CCL1: variants seen among roughly 807,000 people sequenced by gnomAD.
CCL1 encodes the protein C-C motif chemokine 1.
A neutral mutation model predicts 7.5 loss-of-function variants in CCL1; 9 were observed. The ratio of observed to expected loss-of-function variants is 1.20; its 90% CI spans 0.72 to 2.09. The LOEUF is 2.09. Ranked by LOEUF, CCL1 falls within the 30% of genes most tolerant of loss-of-function variation. CCL1 has a pLI of 0.00. For synonymous variants in CCL1, 48 were observed against 44.7 expected (o/e 1.07, Z -0.30); for missense variants, 110 against 113.7 (o/e 0.97, Z 0.15).
At chr17:34,361,483 GC>G (rs1910504816) in intron 2 of CCL1, among the ~76,000 whole-genome samples, 1 of 152,172 alleles carries the variant, frequency 6.6e-6, no homozygotes, top group East Asian at 1.9e-4. Context: ...TCTTTCCAGT[GC>G]ACAATAACCC....
intron 1 of CCL1, among the ~76,000 whole-genome samples, chr17:34,362,843 TCTGGATGAAGCAGAGCCTC>T (rs6146041): frequency 0.79 from 120,156 of 151,692 alleles, 50,770 homozygotes; most frequent in Non-Finnish European, 0.93. Context: ...CTTCCTTGGG[TCTGGATGAAGCAGAGCCTC>T]CTTGTACTGA....
At chr17:34,361,056 TGTGC>T (rs1910492744) in intron 2 of CCL1, among the ~76,000 whole-genome samples, 1 of 152,032 alleles carries the variant, frequency 6.6e-6, no homozygotes, top group South Asian at 2.1e-4. Context: ...TGTGTGTGTG[TGTGC>T]GCGCGCCTTG....
rs1910476361 is a variant in CCL1 at position 34,360,471 on chromosome 17, C to A, written c.*88G>T. On this transcript the variant is annotated 3_prime_UTR_variant, in exon 3 of 3. Transcript: ENST00000225842. Reference sequence around the variant, plus strand: ...CAGATCCTCTGTGACCTAGCAAAAGCAGGGCAGAAGGAATGGTGTAGGGCT... The same window carrying A: ...CAGATCCTCTGTGACCTAGCAAAAGAAGGGCAGAAGGAATGGTGTAGGGCT... 17 of 992,362 alleles carry A rather than the reference C, an allele frequency of 1.7e-5. 1 individual carries two copies. In the Middle Eastern group the frequency reaches 3.2e-3, roughly 185 times the overall value. The allele number at this position is 992,362 out of a possible 1,614,324, so 61.5% of individuals were successfully genotyped here.
chr17:34,363,125 G>A lies in CCL1; in HGVS notation c.37C>T (p.Leu13=), dbSNP rs374103921. ...ACATCTTCCGGCCACATCCCAGCTAGCAGCAAGCACACCAGGGCTGTGGTG... is the reference window on the plus strand; with the variant it reads ...ACATCTTCCGGCCACATCCCAGCTAACAGCAAGCACACCAGGGCTGTGGTG... The part of the protein sequence containing the change: ...IITTALVCLL[L]AGMWPEDVDS... The change falls in exon 1 of 3, where the codon CTA becomes TTA. Residue 13 remains leucine (L), a synonymous_variant. Transcript: ENST00000225842. The A allele has an allele frequency of 1.9e-6, 3 of 1,613,524 alleles. No individual in the cohort carries two copies. The highest frequency in any genetic ancestry group is 2.7e-5 in the African/African-American group (2 of 74,930).
rs1368996838 is a variant in CCL1, at chr17:34,360,535, A to G, written c.*24T>C. ...ACAGGTGAAGCCATGTGGTTTCCAG[A>G]GCCCACAATGGAAAGAAATCTGCTC... is the stretch of plus-strand genomic sequence containing the variant. On this transcript the variant is annotated 3_prime_UTR_variant, in exon 3 of 3. Transcript: ENST00000225842. 1 of 1,574,452 alleles carries G rather than the reference A, an allele frequency of 6.4e-7. No individual in the cohort carries two copies. The highest frequency in any genetic ancestry group is 8.7e-7 in the Non-Finnish European group (1 of 1,143,774).
rs1433900824 is a variant in CCL1, at chr17:34,363,150, G to A, written c.12C>T (p.Ile4=). The A allele has an allele frequency of 1.2e-6, 2 of 1,613,782 alleles. No individual in the cohort carries two copies. The highest frequency in any genetic ancestry group is 1.1e-5 in the South Asian group (1 of 91,076). The change falls in exon 1 of 3, where the codon ATC becomes ATT. Residue 4 remains isoleucine, a synonymous_variant. Transcript: ENST00000225842. ...GCAGCAAGCACACCAGGGCTGTGGT[G>A]ATGATCTGCATGTCTTCTGGTCTGG... The part of the protein sequence containing the change: MQI[I]TTALVCLLLA...
chr17:34,361,854 T>G lies in CCL1; in HGVS notation c.119A>C (p.Gln40Pro), dbSNP rs1271234587. The G allele has an allele frequency of 6.2e-7, 1 of 1,613,276 alleles. No individual in the cohort carries two copies. Among genetic ancestry groups the G allele is most frequent in the Admixed American group, 1.7e-5 (1 of 60,018 alleles). ...FSRCCFSFAEQEIPLRAILCY... is the reference protein window; with the variant it reads ...FSRCCFSFAEPEIPLRAILCY... The stretch of plus-strand genomic sequence containing the variant: ...CAGGATTGCCCTCAGGGGAATCTCT[T>G]GCTCCGCAAATGAGAAGCAACATCT... Residue 40 changes from glutamine (Q) to proline (P), a missense_variant, in exon 2 of 3, where the codon CAA becomes CCA. By Grantham distance (76) the Gln-to-Pro change is moderately conservative (BLOSUM62 -1). Coordinates refer to ENST00000225842, the MANE Select transcript of CCL1 (RefSeq NM_002981.2).
At chr17:34,362,366 C>T (rs879494512) in intron 1 of CCL1, among the ~76,000 whole-genome samples, 9 of 152,064 alleles carry the variant, frequency 5.9e-5, no homozygotes, top group Admixed American at 5.2e-4. Flanking sequence ...AGGAATTGTT[C>T]GAGGAGTCCA....
rs78640727 is a variant in CCL1 at position 34,360,631 on chromosome 17, G to A, written c.219C>T (p.Cys73=). The change falls in exon 3 of 3, where the codon TGC becomes TGT. Residue 73 remains cysteine, a synonymous_variant. Transcript: ENST00000225842. ...IFKLKRGKEA[C]ALDTVGWVQR... is the part of the protein sequence containing the mutation. Reference sequence around the variant, plus strand: ...GAACCCATCCAACTGTGTCCAAGGCGCAGGCCTCTTTGCCTCTCTTCAGCT... The same window carrying A: ...GAACCCATCCAACTGTGTCCAAGGCACAGGCCTCTTTGCCTCTCTTCAGCT... 1.1e-3 allele frequency: 1,748 copies of A among 1,613,348 alleles called. 12 individuals carry two copies. In the African/African-American group the frequency reaches 0.021, roughly 19 times the overall value.
At position 34,361,780 on chromosome 17, in the gene CCL1, C is replaced by T. The variant is rs977239075; in HGVS notation, c.188+5G>A. ...TAGGGAGAGATTGAGCAGGTGATCA[C>T]TTACATTAAGCCCTCATTGGAGCAG... is the stretch of plus-strand genomic sequence containing the variant. On this transcript the variant is annotated splice_donor_5th_base_variant and intron_variant, in intron 2 of 2. Transcript: ENST00000225842. The T allele has an allele frequency of 6.3e-7, 1 of 1,581,128 alleles. No individual in the cohort carries two copies. The highest frequency in any genetic ancestry group is 1.3e-5 in the African/African-American group (1 of 74,270).
At chr17:34,360,720 C>T (rs751796742) in intron 2 of CCL1, 59 bp from the exon 3 acceptor site, 102 of 1,313,778 alleles carry the variant, frequency 7.8e-5, no homozygotes, top group African/African-American at 6.1e-4. Context: ...GGGTGGGCAA[C>T]GCACAAGCCC....
At position 34,360,627 on chromosome 17, in the gene CCL1, A is replaced by C. The variant is rs755806546; in HGVS notation, c.223T>G (p.Leu75Val). 59 of 1,613,492 alleles carry C rather than the reference A, an allele frequency of 3.7e-5. No individual in the cohort carries two copies. Among genetic ancestry groups the C allele is most frequent in the Non-Finnish European group, 4.7e-5 (55 of 1,179,942 alleles). The change falls in exon 3 of 3, where the codon TTG (leucine) becomes GTG (valine). Residue 75 changes from leucine to valine, a missense_variant. Transcript: ENST00000225842. Reference protein sequence around the residue: ...KLKRGKEACALDTVGWVQRHR... With the variant: ...KLKRGKEACAVDTVGWVQRHR... ...CTCTGAACCCATCCAACTGTGTCCA[A>C]GGCGCAGGCCTCTTTGCCTCTCTTC...
At chr17:34,362,606 T>C (rs1007167533) in intron 1 of CCL1, among the ~76,000 whole-genome samples, 3 of 152,098 alleles carry the variant, frequency 2.0e-5, no homozygotes, top group Admixed American at 2.0e-4. Context: ...TCTTACTAGG[T>C]TGGTATTCTC....
chr17:34,360,531 C>T lies in CCL1; in HGVS notation c.*28G>A. On this transcript the variant is annotated 3_prime_UTR_variant, in exon 3 of 3. Transcript: ENST00000225842. ...GGGGACAGGTGAAGCCATGTGGTTT[C>T]CAGAGCCCACAATGGAAAGAAATCT... 6.4e-7 allele frequency: 1 copy of T among 1,563,862 alleles called. No individual in the cohort carries two copies. The highest frequency in any genetic ancestry group is 8.8e-7 in the Non-Finnish European group (1 of 1,134,072).
intron 1 of CCL1, among the ~76,000 whole-genome samples, chr17:34,362,395 G>A (rs985780691): frequency 5.3e-5 from 8 of 152,108 alleles, no homozygotes; most frequent in Admixed American, 5.2e-4. Context: ...AGATGACAAG[G>A]GAAGAGCTCC....
intron 1 of CCL1, 34 bp from the exon 2 acceptor site, chr17:34,361,930 A>G: frequency 7.4e-7 from 1 of 1,356,876 alleles, no homozygotes; most frequent in Non-Finnish European, 1.0e-6. Flanking sequence ...GTTTGCATCC[A>G]TTTCTCAACC....
chr17:34,361,044 T>C (rs745512697), intron 2 of CCL1, among the ~76,000 whole-genome samples: 61 of 141,100 alleles, frequency 4.3e-4, no homozygotes, highest in Non-Finnish European at 7.1e-4. Flanking sequence ...CTCATGTGTT[T>C]GTGTGTGTGT....
At position 34,361,839 on chromosome 17, in the gene CCL1, C is replaced by T; in HGVS notation, c.134G>A (p.Arg45Lys). 1 of 1,613,568 alleles carries T rather than the reference C, an allele frequency of 6.2e-7. No individual in the cohort carries two copies. The highest frequency in any genetic ancestry group is 1.1e-5 in the South Asian group (1 of 91,056). The change falls in exon 2 of 3, where the codon AGG becomes AAG. Residue 45 changes from arginine (R) to lysine (K), a missense_variant. By Grantham distance (26) the Arg-to-Lys change is conservative. Transcript: ENST00000225842. Reference protein sequence around the residue: ...FSFAEQEIPLRAILCYRNTSS... With the variant: ...FSFAEQEIPLKAILCYRNTSS... ...GGTATTTCTGTAACACAGGATTGCC[C>T]TCAGGGGAATCTCTTGCTCCGCAAA...
At position 34,361,861 on chromosome 17, in the gene CCL1, C is replaced by CA. The variant is rs1175605054; in HGVS notation, c.111dup (p.Ala38CysfsTer23). On this transcript the variant is annotated frameshift_variant, in exon 2 of 3. Transcript: ENST00000225842. LOFTEE classifies it high-confidence loss of function. ...GCCCTCAGGGGAATCTCTTGCTCCG[C>CA]AAATGAGAAGCAACATCTGGAGAAG... 6.2e-7 allele frequency: 1 copy of CA among 1,608,374 alleles called. No individual in the cohort carries two copies. Among genetic ancestry groups the CA allele is most frequent in the Non-Finnish European group, 8.5e-7 (1 of 1,176,098 alleles).
Sources: gnomAD v4.1 joint callset for allele counts (sites outside exome capture counted in the v4.1 genomes callset) on GRCh38, gnomAD v4.1.1 for gene constraint, MANE v1.5 for transcripts, NCBI Gene and HGNC (gene_info 2026-07-23, HGNC 2026-07-21) for gene names.